Variants in MTHFD1 observed in about 807,000 individuals in gnomAD.
MTHFD1 encodes the protein methylenetetrahydrofolate dehydrogenase, cyclohydrolase and formyltetrahydrofolate synthetase 1.
A neutral mutation model predicts 110.3 loss-of-function variants in MTHFD1; 44 were observed. The ratio of observed to expected loss-of-function variants is 0.40; its 90% CI spans 0.31 to 0.51. The LOEUF (loss-of-function observed/expected upper bound fraction) is 0.51. Among genes scored for constraint, MTHFD1 ranks in the 20% least tolerant of loss-of-function variants. MTHFD1 has a pLI of 0.60. For missense variants in MTHFD1, 909 were observed against 1,173.1 expected (o/e 0.77, Z 3.29); for synonymous variants, 402 against 428.8 (o/e 0.94, Z 0.77).
intron 9 of MTHFD1, 54 bp from the exon 10 acceptor site, chr14:64,425,676 G>T (rs544278206): frequency 1.3e-5 from 19 of 1,430,268 alleles, no homozygotes; most frequent in South Asian, 6.9e-5. Flanking sequence ...TGAAACTGAG[G>T]TGAGGATTAA....
Position 64,430,179 on chromosome 14 carries a change from C to T in MTHFD1, c.1265-5C>T, listed in dbSNP as rs1341234522. The stretch of plus-strand genomic sequence containing the variant: ...CTGAGCTTCCACCCTTGACCTGTCC[C>T]CTAGGTGGCGCTGCAGGAGGCGGCT... On this transcript the variant is annotated splice_polypyrimidine_tract_variant and splice_region_variant and intron_variant, in intron 12 of 27. Coordinates refer to ENST00000652337, the MANE Select transcript of MTHFD1 (RefSeq NM_005956.4). 3 of 1,613,574 alleles carry T rather than the reference C, an allele frequency of 1.9e-6. No individual in the cohort carries two copies. The highest frequency in any genetic ancestry group is 2.5e-6 in the Non-Finnish European group (3 of 1,179,942).
At chr14:64,455,009 A>C in intron 26 of MTHFD1, 134 bp downstream of exon 26, 1 of 875,576 alleles carries the variant, frequency 1.1e-6, no homozygotes, top group East Asian at 2.4e-5. Context: ...GCCTATTATG[A>C]TTGCTGTGGA....
chr14:64,444,120 C>T lies in MTHFD1; in HGVS notation c.2137-573C>T, dbSNP rs143843895. Among the ~76,000 whole-genome samples, 850 of 133,658 alleles carry T rather than the reference C, an allele frequency of 6.4e-3. 1 individual carries two copies. The highest frequency in any genetic ancestry group is 0.015 in the Middle Eastern group (4 of 274). 87.7% of individuals were successfully genotyped at this position (133,658 alleles called of 152,430 possible). A position where few individuals can be genotyped will look rare whatever the true frequency, so the allele number is the denominator to read the frequency against. ...TAGATCAAGACTGGGGGCTGGGGGG[C>T]GGGGCGGGGAGGCACCAGACACCTC... On this transcript the variant is annotated intron_variant, in intron 21 of 27. Coordinates refer to ENST00000652337, the MANE Select transcript of MTHFD1 (RefSeq NM_005956.4).
In MTHFD1 at chr14:64,435,635, T is replaced by C. The variant is rs114860208; in HGVS notation, c.1561T>C (p.Leu521=). The C allele has an allele frequency of 6.8e-4, 1,099 of 1,612,786 alleles. 4 individuals carry two copies. In the African/African-American group the frequency reaches 0.013, roughly 18 times the overall value. ...TDEEINRFAR[L]DIDPETITWQ... is the part of the protein sequence containing the mutation. ...TGAAGAGATAAACAGATTTGCAAGA[T>C]TGGACATTGATCCAGAAACCATAAC... The change falls in exon 16 of 28, where the codon TTG becomes CTG. Residue 521 remains leucine (L), a synonymous_variant. Transcript: ENST00000652337.
chr14:64,448,478 G>A (rs1446752536), intron 23 of MTHFD1, 161 bp downstream of exon 23: 2 of 672,148 alleles, frequency 3.0e-6, no homozygotes, highest in East Asian at 2.8e-5. Context: ...GTCACTGCGG[G>A]CTCACCACCT....
chr14:64,388,354 T>C lies in MTHFD1; in HGVS notation c.-74T>C. The C allele has an allele frequency of 6.2e-7, 1 of 1,614,122 alleles. No homozygotes were observed. Among genetic ancestry groups the C allele is most frequent in the Middle Eastern group, 1.6e-4 (1 of 6,062 alleles). On this transcript the variant is annotated 5_prime_UTR_variant, in exon 1 of 28. Coordinates refer to ENST00000652337, the MANE Select transcript of MTHFD1 (RefSeq NM_005956.4). ...GTCCCTAAGCACGTGGGTTGGGTTG[T>C]CCTGCTTGGCTGCGGAGGGAGTGGA... is the stretch of plus-strand genomic sequence containing the variant.
chr14:64,418,068 G>A (rs750918357), intron 7 of MTHFD1, 44 bp downstream of exon 7: 1 of 1,612,550 alleles, frequency 6.2e-7, no homozygotes, highest in Admixed American at 1.7e-5. Context: ...GGTGGGGAGG[G>A]TGGGTGTGCC....
chr14:64,443,838 A>G (rs1288944976), intron 21 of MTHFD1, among the ~76,000 whole-genome samples: 1 of 152,166 alleles, frequency 6.6e-6, no homozygotes, highest in Non-Finnish European at 1.5e-5. Context: ...ATGGAGGGGA[A>G]CATTTGCACA....
rs764524341 is a variant in MTHFD1 at position 64,419,873 on chromosome 14, G to T, written c.675G>T (p.Glu225Asp). ...GTCAGCCTGAAATGGTTAAAGGGGA[G>T]TGGATCAAACCTGGGGCAATAGTCA... ...ATGQPEMVKG[E>D]WIKPGAIVID... The change falls in exon 8 of 28, where the codon GAG (glutamate) becomes GAT (aspartate). Residue 225 changes from glutamate (E) to aspartate (D), a missense_variant. This residue lies in a region of MTHFD1 where 424 missense variants were observed against 510.4 expected (regional missense o/e 0.83). Transcript: ENST00000652337. 5 of 1,614,190 alleles carry T rather than the reference G, an allele frequency of 3.1e-6. No homozygotes were observed. Among genetic ancestry groups the T allele is most frequent in the Non-Finnish European group, 3.4e-6 (4 of 1,180,022 alleles).
chr14:64,444,835 G>A, intron 22 of MTHFD1, 101 bp downstream of exon 22: 4 of 1,330,296 alleles, frequency 3.0e-6, no homozygotes, highest in Non-Finnish European at 4.3e-6. Flanking sequence ...TTATTGCTGT[G>A]ACCCAGGGTG....
chr14:64,418,091 G>A (rs2078039221), intron 7 of MTHFD1, 67 bp downstream of exon 7: 1 of 1,581,488 alleles, frequency 6.3e-7, no homozygotes, highest in Non-Finnish European at 8.7e-7. Context: ...AGGCTGCCAT[G>A]TCCTTTACAC....
intron 25 of MTHFD1, 107 bp from the exon 26 acceptor site, chr14:64,454,616 G>A (rs1299096432): frequency 1.4e-5 from 12 of 859,208 alleles, no homozygotes; most frequent in Non-Finnish European, 2.3e-5. Context: ...AAAGGGAGTT[G>A]GATGTTTCGA....
At chr14:64,436,230 G>T (rs1212977332) in intron 16 of MTHFD1, among the ~76,000 whole-genome samples, 12 of 152,044 alleles carry the variant, frequency 7.9e-5, no homozygotes. Flanking sequence ...GAGTAACTGG[G>T]ACTACAGGCA....
intron 17 of MTHFD1, 66 bp downstream of exon 17, chr14:64,439,238 C>T: frequency 8.7e-7 from 1 of 1,143,266 alleles, no homozygotes; most frequent in South Asian, 1.3e-5. Context: ...TTCTCTCCTC[C>T]TCCATCCTCT....
chr14:64,453,860 A>G lies in MTHFD1; in HGVS notation c.2564A>G (p.Gln855Arg). The G allele has an allele frequency of 6.3e-7, 1 of 1,587,508 alleles. No individual in the cohort carries two copies. Among genetic ancestry groups the G allele is most frequent in the Non-Finnish European group, 8.7e-7 (1 of 1,155,776 alleles). ...AQHKAEVYTK[Q>R]GFGNLPICMA... ...CACAAAGCTGAAGTCTACACGAAGC[A>G]GGTAGATGTTTGGTTAGTTTGTCCT... The change falls in exon 25 of 28, where the codon CAG (glutamine) becomes CGG (arginine). Residue 855 changes from glutamine to arginine, a missense_variant and splice_region_variant. Physicochemically the swap from Gln to Arg is conservative, Grantham distance 43 (BLOSUM62 1). Coordinates refer to ENST00000652337, the MANE Select transcript of MTHFD1 (RefSeq NM_005956.4).
intron 15 of MTHFD1, among the ~76,000 whole-genome samples, chr14:64,434,744 G>A (rs2078190219): frequency 6.6e-6 from 1 of 151,736 alleles, no homozygotes; most frequent in Non-Finnish European, 1.5e-5. Context: ...GCTCTTGAAA[G>A]TACACTTATC....
chr14:64,400,366 C>A (rs1361098328), intron 1 of MTHFD1, among the ~76,000 whole-genome samples: 1 of 144,190 alleles, frequency 6.9e-6, no homozygotes, highest in Admixed American at 7.1e-5. Flanking sequence ...CCAGCCTGGG[C>A]AATGAGAGCA....
intron 26 of MTHFD1, chr14:64,457,881 G>A: frequency 7.9e-6 from 3 of 381,682 alleles, no homozygotes; most frequent in East Asian, 1.0e-4. Flanking sequence ...TCTTTCTGAA[G>A]GAAAAGTGAA....
chr14:64,403,281 T>C (rs1157388856), intron 2 of MTHFD1, among the ~76,000 whole-genome samples: 3 of 1,406 alleles, frequency 2.1e-3, no homozygotes, highest in Non-Finnish European at 3.3e-3. Flanking sequence ...ACCCTGCTAA[T>C]TTTTTTTTTT....
Sources: gnomAD v4.1 joint callset for allele counts (sites outside exome capture counted in the v4.1 genomes callset) on GRCh38, gnomAD v4.1.1 for gene constraint, gnomAD v4.1.1 regional missense constraint, MANE v1.5 for transcripts, NCBI Gene and HGNC (gene_info 2026-07-23, HGNC 2026-07-21) for gene names.